CFAP54: variants seen among roughly 807,000 people sequenced by gnomAD.
CFAP54 encodes cilia- and flagella-associated protein 54.
In CFAP54, 290 loss-of-function variants were observed where a neutral mutation model predicts 370.4. The observed-to-expected ratio is 0.78, with a 90% CI of 0.71 to 0.86. CFAP54 has a LOEUF of 0.86. Ranked by LOEUF, CFAP54 falls within the 40% of genes least tolerant of loss-of-function variation. The probability of loss-of-function intolerance (pLI) is 0.00; values close to 1 mark genes in which losing one functional copy is unlikely to be tolerated. For missense variants in CFAP54, 3,399 were observed against 3,528.7 expected (o/e 0.96, Z 0.93); for synonymous variants, 1,206 against 1,236.5 (o/e 0.98, Z 0.52).
chr12:96,858,038 T>C (rs1448088544), intron 66 of CFAP54, among the ~76,000 whole-genome samples: 1 of 152,232 alleles, frequency 6.6e-6, no homozygotes, highest in Non-Finnish European at 1.5e-5. Context: ...ATGGGATTAC[T>C]GGGTCTAATG....
intron 48 of CFAP54, among the ~76,000 whole-genome samples, chr12:96,710,126 T>C (rs919870700): frequency 8.5e-5 from 13 of 152,200 alleles, no homozygotes; most frequent in African/African-American, 3.1e-4. Flanking sequence ...TGTCTTTGTC[T>C]AGTTTTGATA....
intron 53 of CFAP54, 33 bp from the exon 54 acceptor site, chr12:96,743,698 G>A (rs1250924153): frequency 6.4e-7 from 1 of 1,559,770 alleles, no homozygotes. Context: ...ATTGGAAACA[G>A]TACTATCAAA....
At position 96,761,612 on chromosome 12, in the gene CFAP54, T is replaced by C. The variant is rs1958340190; in HGVS notation, c.8041-2539T>C. 2.0e-5 allele frequency among the ~76,000 whole-genome samples: 3 copies of C among 152,212 alleles called. No homozygotes were observed. In the South Asian group the frequency reaches 6.2e-4, roughly 32 times the overall value. Reference sequence around the variant, plus strand: ...GTTTTCTTCTAGAAGTTGTATAGTTTTAACTTTTACATTTAAGTCTGTGAT... The same window carrying C: ...GTTTTCTTCTAGAAGTTGTATAGTTCTAACTTTTACATTTAAGTCTGTGAT... On this transcript the variant is annotated intron_variant, in intron 58 of 67. Coordinates refer to ENST00000524981, the MANE Select transcript of CFAP54 (RefSeq NM_001306084.2).
intron 49 of CFAP54, among the ~76,000 whole-genome samples, chr12:96,719,815 C>G (rs1181095791): frequency 3.3e-5 from 5 of 152,164 alleles, no homozygotes; most frequent in Admixed American, 2.0e-4. Flanking sequence ...AATGACCCTC[C>G]AGCATAGTGC....
At chr12:96,491,134 C>T (rs555689971) in intron 1 of CFAP54, among the ~76,000 whole-genome samples, 2 of 152,004 alleles carry the variant, frequency 1.3e-5, no homozygotes, top group Admixed American at 6.6e-5. Flanking sequence ...TGCGCCTGGC[C>T]TGAGTGTTGC....
At position 96,644,213 on chromosome 12, in the gene CFAP54, G is replaced by A. The variant is rs773999946; in HGVS notation, c.4352G>A (p.Arg1451Gln). ...RRTSVRKAAQ[R>Q]YLMDYLNPLI... ...ACCAGTGTTAGGAAAGCAGCACAACGATACCTGATGGATTACTTGAATCCT... is the reference window on the plus strand; with the variant it reads ...ACCAGTGTTAGGAAAGCAGCACAACAATACCTGATGGATTACTTGAATCCT... Residue 1451 changes from arginine to glutamine, a missense_variant, in exon 33 of 68, where the codon CGA becomes CAA. This residue lies in a region of CFAP54 where 2,796 missense variants were observed against 2,869.7 expected (regional missense o/e 0.97). Coordinates refer to ENST00000524981, the MANE Select transcript of CFAP54 (RefSeq NM_001306084.2). 46 of 1,535,662 alleles carry A rather than the reference G, an allele frequency of 3.0e-5. No individual in the cohort carries two copies. Among genetic ancestry groups the A allele is most frequent in the South Asian group, 3.6e-5 (3 of 84,030 alleles).
At chr12:96,756,752 T>C (rs1319665723) in intron 57 of CFAP54, among the ~76,000 whole-genome samples, 189 bp downstream of exon 57, 1 of 152,182 alleles carries the variant, frequency 6.6e-6, no homozygotes, top group East Asian at 1.9e-4. Context: ...TGGTAAATGA[T>C]GGCTGTCCTC....
intron 43 of CFAP54, 86 bp from the exon 44 acceptor site, chr12:96,691,041 TA>T: frequency 8.6e-7 from 1 of 1,168,230 alleles, no homozygotes; most frequent in Non-Finnish European, 1.2e-6. Flanking sequence ...AAGCATTTTA[TA>T]AAGCAATACA....
chr12:96,583,557 T>C (rs1044203348), intron 22 of CFAP54, among the ~76,000 whole-genome samples: 5 of 152,224 alleles, frequency 3.3e-5, no homozygotes. Flanking sequence ...TTAAAATTTA[T>C]TATTCCACTT....
At chr12:96,778,316 A>G (rs893845679) in intron 60 of CFAP54, among the ~76,000 whole-genome samples, 1 of 152,200 alleles carries the variant, frequency 6.6e-6, no homozygotes, top group Non-Finnish European at 1.5e-5. Context: ...TCTCTAACTA[A>G]TGCATTTATC....
At chr12:96,870,493 C>T (rs1183958455) in intron 67 of CFAP54, among the ~76,000 whole-genome samples, 1 of 152,290 alleles carries the variant, frequency 6.6e-6, no homozygotes, top group East Asian at 1.9e-4. Context: ...CTTAACTTCT[C>T]TGTACTTCAG....
At chr12:96,598,904 G>A (rs1956208741) in intron 26 of CFAP54, 137 bp downstream of exon 26, 2 of 397,650 alleles carry the variant, frequency 5.0e-6, no homozygotes, top group South Asian at 1.0e-4. Context: ...CAAATGTAGA[G>A]GCCAAACATT....
chr12:96,596,666 A>G (rs892074507), intron 25 of CFAP54, among the ~76,000 whole-genome samples: 1 of 152,096 alleles, frequency 6.6e-6, no homozygotes. Flanking sequence ...GGGGGGAAAC[A>G]TTTCTAACCA....
At chr12:96,697,883 T>C (rs563374926) in intron 45 of CFAP54, among the ~76,000 whole-genome samples, 1 of 152,326 alleles carries the variant, frequency 6.6e-6, no homozygotes, top group African/African-American at 2.4e-5. Flanking sequence ...CTTCAGGTTC[T>C]ACTTGACCTT....
At chr12:96,593,481 C>G (rs1225514741) in intron 24 of CFAP54, among the ~76,000 whole-genome samples, 2 of 152,078 alleles carry the variant, frequency 1.3e-5, no homozygotes, top group African/African-American at 4.8e-5. Flanking sequence ...GTTCACTGTC[C>G]TGTAGAGCCC....
chr12:96,572,172 CA>C (rs1485738545), intron 19 of CFAP54, among the ~76,000 whole-genome samples: 2 of 152,220 alleles, frequency 1.3e-5, no homozygotes, highest in Non-Finnish European at 1.5e-5. Context: ...ATAAACAAAG[CA>C]CTGTCCTTCC....
Position 96,647,472 on chromosome 12 carries a change from C to A in CFAP54, c.4548-403C>A, listed in dbSNP as rs554225437. Among the ~76,000 whole-genome samples, 94 of 40,776 alleles carry A rather than the reference C, an allele frequency of 2.3e-3. 4 individuals are homozygous for A. Among genetic ancestry groups the A allele is most frequent in the Non-Finnish European group, 3.3e-3 (79 of 24,002 alleles). The allele number at this position is 40,776 out of a possible 152,430, so 26.8% of individuals were successfully genotyped here. A position where few individuals can be genotyped will look rare whatever the true frequency, so the allele number is the denominator to read the frequency against. ...TGGGCGACAGAGCGAGACTCTGTCC[C>A]AAAAAAAAAAAAAAAAAAAAAAAAG... On this transcript the variant is annotated intron_variant, in intron 33 of 67. Coordinates refer to ENST00000524981, the MANE Select transcript of CFAP54 (RefSeq NM_001306084.2).
At chr12:96,490,707 TAAATAAATA>T (rs1202073843) in intron 1 of CFAP54, among the ~76,000 whole-genome samples, 1 of 133,184 alleles carries the variant, frequency 7.5e-6, no homozygotes, top group Non-Finnish European at 1.7e-5. Context: ...ATAATAATAA[TAAATAAATA>T]AAATAAAATA....
chr12:96,700,177 G>T (rs1957476943), intron 46 of CFAP54, 84 bp downstream of exon 46: 1 of 1,399,266 alleles, frequency 7.1e-7, no homozygotes, highest in African/African-American at 1.5e-5. Flanking sequence ...CCACGAAAGT[G>T]TATTTACAAT....
Sources: gnomAD v4.1 joint callset for allele counts (sites outside exome capture counted in the v4.1 genomes callset) on GRCh38, gnomAD v4.1.1 for gene constraint, gnomAD v4.1.1 regional missense constraint, MANE v1.5 for transcripts, NCBI Gene and HGNC (gene_info 2026-07-23, HGNC 2026-07-21) for gene names.